The following PPP1R13B variants were observed in gnomAD, a reference collection of about 807,000 sequenced individuals.
The protein encoded by PPP1R13B is apoptosis-stimulating of p53 protein 1.
Under a neutral mutation model 119.8 loss-of-function variants are expected in PPP1R13B, and 44 were observed. The ratio of observed to expected loss-of-function variants is 0.37; its 90% CI spans 0.29 to 0.47. PPP1R13B has a LOEUF of 0.47. Ranked by LOEUF, PPP1R13B falls within the 20% of genes least tolerant of loss-of-function variation. The probability of loss-of-function intolerance (pLI) is 0.99; values close to 1 mark genes in which losing one functional copy is unlikely to be tolerated. For missense variants in PPP1R13B, 1,227 were observed against 1,413.5 expected, an observed-to-expected ratio of 0.87 and a Z score of 2.12; for synonymous variants, 542 against 561.5, an observed-to-expected ratio of 0.97 and a Z score of 0.49.
rs773165382 is a variant in PPP1R13B at position 103,754,248 on chromosome 14, A to T, written c.457-4T>A. On this transcript the variant is annotated splice_polypyrimidine_tract_variant and splice_region_variant and intron_variant, in intron 5 of 16. Coordinates refer to ENST00000202556, the MANE Select transcript of PPP1R13B (RefSeq NM_015316.3). ...TTAGAAAATGTAAACGCTGTTCCTAACAAAAGAAAGAAAAATGTAACTTTG... is the reference window on the plus strand; with the variant it reads ...TTAGAAAATGTAAACGCTGTTCCTATCAAAAGAAAGAAAAATGTAACTTTG... 5.0e-6 allele frequency: 8 copies of T among 1,597,264 alleles called. No homozygotes were observed. The highest frequency in any genetic ancestry group is 6.8e-6 in the Non-Finnish European group (8 of 1,173,344).
chr14:103,778,367 T>C (rs892638801), intron 4 of PPP1R13B, among the ~76,000 whole-genome samples: 1 of 148,986 alleles, frequency 6.7e-6, no homozygotes, highest in African/African-American at 2.5e-5. Flanking sequence ...GTTCCAGCAA[T>C]TCTCCTGCCT....
Position 103,738,707 on chromosome 14 carries a change from T to C in PPP1R13B, c.2836A>G (p.Asn946Asp), listed in dbSNP as rs1199994369. ...IVKFLLDFGV[N>D]VNAADSDGWT... ...CCATCACTATCAGCAGCATTCACGT[T>C]GACACCAAAATCCAGCAGGAACTTC... The change falls in exon 14 of 17, where the codon AAC becomes GAC. Residue 946 changes from asparagine to aspartate, a missense_variant. Physicochemically the swap from Asn to Asp is conservative, Grantham distance 23. Transcript: ENST00000202556. The surrounding 1 kb of genome is among the most constrained non-coding windows in gnomAD (Gnocchi z 5.6). 1 of 1,614,248 alleles carries C rather than the reference T, an allele frequency of 6.2e-7. No homozygotes were observed. The highest frequency in any genetic ancestry group is 1.1e-5 in the South Asian group (1 of 91,086).
At chr14:103,825,392 GT>G (rs2086514694) in intron 1 of PPP1R13B, among the ~76,000 whole-genome samples, 1 of 152,214 alleles carries the variant, frequency 6.6e-6, no homozygotes, top group Non-Finnish European at 1.5e-5. Context: ...AGGAAGGAAT[GT>G]CAAAAGCTGA....
intron 1 of PPP1R13B, among the ~76,000 whole-genome samples, chr14:103,826,937 G>A (rs1187806293): frequency 1.1e-4 from 16 of 151,938 alleles, no homozygotes; most frequent in Admixed American, 6.6e-4. Flanking sequence ...GCATGAACCC[G>A]GGAGGCAGAG....
chr14:103,735,397 A>T lies in PPP1R13B; in HGVS notation c.3232-202T>A, dbSNP rs138510564. Among the ~76,000 whole-genome samples the T allele has an allele frequency of 8.2e-4, 124 of 151,966 alleles. 1 individual carries two copies. Among genetic ancestry groups the T allele is most frequent in the African/African-American group, 2.9e-3 (120 of 41,418 alleles). On this transcript the variant is annotated intron_variant, in intron 16 of 16. Transcript: ENST00000202556. ...GTGCCTTGTACCCCCAGAATATCCT[A>T]TTTTTCTCACAACACTTCATGCCAC...
intron 3 of PPP1R13B, among the ~76,000 whole-genome samples, chr14:103,784,242 AT>A (rs1336901523): frequency 6.6e-6 from 1 of 152,076 alleles, no homozygotes; most frequent in African/African-American, 2.4e-5. Context: ...ACGTTGTTTA[AT>A]TAACTTAGAG....
intron 4 of PPP1R13B, chr14:103,762,941 A>G (rs2084844868): frequency 1.0e-6 from 1 of 983,170 alleles, no homozygotes; most frequent in Non-Finnish European, 1.6e-6. Flanking sequence ...CCCCGTCTAC[A>G]GTATCTGCTA....
intron 8 of PPP1R13B, 60 bp downstream of exon 8, chr14:103,749,734 T>C: frequency 6.5e-7 from 1 of 1,535,224 alleles, no homozygotes. Flanking sequence ...TTACAGAAGA[T>C]GGGCAATGCT....
At chr14:103,834,666 C>T (rs1002017777) in intron 1 of PPP1R13B, among the ~76,000 whole-genome samples, 1 of 148,314 alleles carries the variant, frequency 6.7e-6, no homozygotes, top group African/African-American at 2.5e-5. Flanking sequence ...TCTCGACTCA[C>T]CACAACCTCC....
chr14:103,801,298 G>A (rs1166731144), intron 1 of PPP1R13B, among the ~76,000 whole-genome samples: 3 of 152,138 alleles, frequency 2.0e-5, no homozygotes, highest in Non-Finnish European at 2.9e-5. Flanking sequence ...CTCCTTAAGA[G>A]TCTAATGTAA....
At position 103,751,421 on chromosome 14, in the gene PPP1R13B, A is replaced by C. The variant is rs567938013; in HGVS notation, c.829-1487T>G. ...ATACCCTCATTTCATAAAATGATGT[A>C]ATATTTTTTCTAGCAAGTGCTAATA... is the stretch of plus-strand genomic sequence containing the variant. On this transcript the variant is annotated intron_variant, in intron 7 of 16. Transcript: ENST00000202556. 3.3e-5 allele frequency among the ~76,000 whole-genome samples: 5 copies of C among 152,340 alleles called. No homozygotes were observed. In the South Asian group the frequency reaches 1.0e-3, roughly 32 times the overall value.
At position 103,847,339 on chromosome 14, in the gene PPP1R13B, C is replaced by T. The variant is rs1246296346; in HGVS notation, c.-32G>A. The T allele has an allele frequency of 7.3e-6, 9 of 1,232,870 alleles. No individual in the cohort carries two copies. In the African/African-American group the frequency reaches 1.3e-4, roughly 18 times the overall value. 76.4% of individuals were successfully genotyped at this position (1,232,870 alleles called of 1,614,324 possible). On this transcript the variant is annotated 5_prime_UTR_variant, in exon 1 of 17. Transcript: ENST00000202556. ...GAGAGTCCGCGACGCCCTCGGCCGC[C>T]GCCTGACAGGACGCTCCGCGCCGAG...
intron 1 of PPP1R13B, among the ~76,000 whole-genome samples, chr14:103,842,909 G>A (rs912687947): frequency 4.6e-5 from 7 of 151,594 alleles, no homozygotes; most frequent in South Asian, 2.1e-4. Context: ...CCCGGGAGGC[G>A]GAGGTTGCAG....
chr14:103,778,506 C>T (rs926850902), intron 4 of PPP1R13B: 26 of 416,188 alleles, frequency 6.2e-5, no homozygotes, highest in Non-Finnish European at 9.1e-5. Flanking sequence ...GTGATCTGTG[C>T]GCCTCAGTCT....
At chr14:103,795,721 C>T (rs1309037154) in intron 2 of PPP1R13B, among the ~76,000 whole-genome samples, 1 of 152,178 alleles carries the variant, frequency 6.6e-6, no homozygotes, top group East Asian at 1.9e-4. Context: ...CCCTTAAAAA[C>T]GTTAATTACA....
Position 103,776,729 on chromosome 14 carries a change from G to T in PPP1R13B, c.354+2016C>A, listed in dbSNP as rs1003185523. On this transcript the variant is annotated intron_variant, in intron 4 of 16. Transcript: ENST00000202556. ...CTATTAAAAATACAAAAAATTAGCC[G>T]GGCGTGGCGGTGTGCGCCTGTAGTC... Among the ~76,000 whole-genome samples, 3 of 151,982 alleles carry T rather than the reference G, an allele frequency of 2.0e-5. No homozygotes were observed. In the South Asian group the frequency reaches 6.2e-4, roughly 32 times the overall value.
chr14:103,735,651 C>T (rs554856732), intron 16 of PPP1R13B, among the ~76,000 whole-genome samples: 2 of 152,344 alleles, frequency 1.3e-5, no homozygotes, highest in South Asian at 2.1e-4. Flanking sequence ...ACCTCTCCCT[C>T]CACTGGAGAA....
chr14:103,735,330 G>A lies in PPP1R13B; in HGVS notation c.3232-135C>T, dbSNP rs867864567. 2.8e-5 allele frequency: 22 copies of A among 799,946 alleles called. No individual in the cohort carries two copies. The African/African-American group carries it at 3.5e-4, about 13-fold the overall frequency. The allele number at this position is 799,946 out of a possible 1,614,324, so 49.6% of individuals were successfully genotyped here. On this transcript the variant is annotated intron_variant, in intron 16 of 16. Coordinates refer to ENST00000202556, the MANE Select transcript of PPP1R13B (RefSeq NM_015316.3). The stretch of plus-strand genomic sequence containing the variant: ...CCCTTGTCCCTCAGGCCTACGCTCA[G>A]CTGCACCTCTACACTGAGACCCACC...
chr14:103,799,493 A>G (rs929059526), intron 1 of PPP1R13B, among the ~76,000 whole-genome samples: 1 of 150,228 alleles, frequency 6.7e-6, no homozygotes, highest in Non-Finnish European at 1.5e-5. Context: ...TTGTATTTTT[A>G]GTAGACACAG....
Sources: gnomAD v4.1 joint callset for allele counts (sites outside exome capture counted in the v4.1 genomes callset) on GRCh38, gnomAD v4.1.1 for gene constraint, Gnocchi (gnomAD v3.1) non-coding constraint, MANE v1.5 for transcripts, NCBI Gene and HGNC (gene_info 2026-07-23, HGNC 2026-07-21) for gene names.